The following NCALD variants were observed in gnomAD, a reference collection of about 807,000 sequenced individuals.
The protein encoded by NCALD is neurocalcin-delta.
In NCALD, 10 loss-of-function variants were observed where a neutral mutation model predicts 18.6. The observed-to-expected ratio is 0.54, with a 90% CI of 0.33 to 0.91. NCALD has a LOEUF of 0.91. NCALD is among the 40% of genes least tolerant of loss of function. The pLI is 0.03. For synonymous variants in NCALD, 88 were observed against 87.4 expected (o/e 1.01, Z -0.04); for missense variants, 184 against 247.6 (o/e 0.74, Z 1.72).
At chr8:101,854,367 C>T (rs763449573) in intron 4 of NCALD, among the ~76,000 whole-genome samples, 2 of 152,144 alleles carry the variant, frequency 1.3e-5, no homozygotes, top group African/African-American at 4.8e-5. Context: ...AATTTGGTTA[C>T]TTGCAACCTA....
chr8:101,972,273 T>A (rs1461054075), intron 2 of NCALD, among the ~76,000 whole-genome samples: 2 of 152,188 alleles, frequency 1.3e-5, no homozygotes, highest in African/African-American at 4.8e-5. Flanking sequence ...GCCCAAGCTT[T>A]GTGGTCAGGC....
intron 2 of NCALD, among the ~76,000 whole-genome samples, chr8:101,988,035 G>C (rs1046777287): frequency 6.6e-6 from 1 of 151,200 alleles, no homozygotes; most frequent in Non-Finnish European, 1.5e-5. Context: ...GGCGCCTGTA[G>C]TCCCAGCTAC....
At chr8:102,015,920 T>A (rs1453375143) in intron 2 of NCALD, among the ~76,000 whole-genome samples, 1 of 152,184 alleles carries the variant, frequency 6.6e-6, no homozygotes, top group Non-Finnish European at 1.5e-5. Flanking sequence ...CCCAGGGTTC[T>A]GCAATGAACA....
At chr8:101,986,678 C>T (rs1820825721) in intron 2 of NCALD, 1 of 152,392 alleles carries the variant, frequency 6.6e-6, no homozygotes, top group African/African-American at 2.4e-5. Context: ...TGCACTCCTC[C>T]TCACCCAACT....
intron 1 of NCALD, among the ~76,000 whole-genome samples, chr8:102,101,252 C>A (rs559729470): frequency 4.1e-4 from 62 of 152,268 alleles, no homozygotes; most frequent in African/African-American, 1.5e-3. Flanking sequence ...GAACTGGACC[C>A]AGTATTATAT....
chr8:102,008,548 T>G (rs568089634), intron 2 of NCALD, among the ~76,000 whole-genome samples: 109 of 148,064 alleles, frequency 7.4e-4, no homozygotes, highest in Non-Finnish European at 4.5e-5. Context: ...GAGATAAAAC[T>G]CCCAGGTGAA....
intron 2 of NCALD, among the ~76,000 whole-genome samples, chr8:101,714,075 T>C (rs141711388): frequency 0.026 from 3,919 of 152,226 alleles, 131 homozygotes; most frequent in African/African-American, 0.078. Flanking sequence ...CCTTTGAAAA[T>C]TGGCACAAGA....
In NCALD at chr8:101,817,980, T is replaced by TTC. The variant is rs377236637; in HGVS notation, c.-20+69159_-20+69160dup. ...AAATCTGTACGGTGGACTCTGTAGT[T>TTC]TCGTATTTGCATTCTGAGCACTTGT... On this transcript the variant is annotated intron_variant, in intron 4 of 6. Coordinates refer to the NCALD transcript ENST00000311028. 6.9e-4 allele frequency among the ~76,000 whole-genome samples: 105 copies of TTC among 152,274 alleles called. 2 individuals are homozygous for TTC. Among genetic ancestry groups the TTC allele is most frequent in the African/African-American group, 2.4e-3 (99 of 41,570 alleles).
intron 2 of NCALD, among the ~76,000 whole-genome samples, chr8:101,939,151 A>G (rs1818865254): frequency 6.6e-6 from 1 of 152,232 alleles, no homozygotes; most frequent in African/African-American, 2.4e-5. Flanking sequence ...ATAAATGTCC[A>G]ATAAATTAAT....
In NCALD at chr8:101,878,679, G is replaced by A. The variant is rs559600600; in HGVS notation, c.-20+8462C>T. Among the ~76,000 whole-genome samples the A allele has an allele frequency of 9.0e-4, 137 of 152,176 alleles. 1 individual carries two copies. Among genetic ancestry groups the A allele is most frequent in the African/African-American group, 3.0e-3 (123 of 41,528 alleles). On this transcript the variant is annotated intron_variant, in intron 4 of 6. Transcript: ENST00000311028. ...CCAAGAAGCTAACATTATTTTTTTAGACTTTGTATTAAAGAGCATGTATTT... is the reference window on the plus strand; with the variant it reads ...CCAAGAAGCTAACATTATTTTTTTAAACTTTGTATTAAAGAGCATGTATTT...
chr8:102,028,192 A>G (rs1822529969), intron 1 of NCALD, among the ~76,000 whole-genome samples: 1 of 152,230 alleles, frequency 6.6e-6, no homozygotes, highest in Admixed American at 6.5e-5. Context: ...TCTATATTCA[A>G]GTGGGTCAGG....
intron 1 of NCALD, among the ~76,000 whole-genome samples, chr8:102,119,403 T>C (rs1825880749): frequency 1.3e-5 from 2 of 152,042 alleles, no homozygotes; most frequent in South Asian, 2.1e-4. Context: ...TTGCCAGAGG[T>C]TGGAAGGGAG....
intron 4 of NCALD, among the ~76,000 whole-genome samples, chr8:101,868,282 C>G (rs1815858277): frequency 6.6e-6 from 1 of 151,982 alleles, no homozygotes; most frequent in Non-Finnish European, 1.5e-5. Flanking sequence ...AGCCCTGTGC[C>G]CACACTGAGC....
In NCALD at chr8:102,082,463, C is replaced by A. The variant is rs544166425; in HGVS notation, c.-210+41774G>T. On this transcript the variant is annotated intron_variant, in intron 1 of 6. Transcript: ENST00000311028. ...AAATTGATACAAATGAAAGGAGCTTCTTATTGCAAAATTTCCCAGGATCCT... is the reference window on the plus strand; with the variant it reads ...AAATTGATACAAATGAAAGGAGCTTATTATTGCAAAATTTCCCAGGATCCT... Among the ~76,000 whole-genome samples, 4 of 152,086 alleles carry A rather than the reference C, an allele frequency of 2.6e-5. No individual in the cohort carries two copies. In the South Asian group the frequency reaches 8.3e-4, roughly 32 times the overall value.
chr8:101,786,946 C>A (rs1368168830), intron 1 of NCALD, among the ~76,000 whole-genome samples: 1 of 152,144 alleles, frequency 6.6e-6, no homozygotes, highest in African/African-American at 2.4e-5. Flanking sequence ...CCCTAAAGTT[C>A]ACTACTGAGA....
intron 2 of NCALD, among the ~76,000 whole-genome samples, chr8:101,926,169 C>T (rs370692720): frequency 6.6e-6 from 1 of 152,186 alleles, no homozygotes; most frequent in African/African-American, 2.4e-5. Flanking sequence ...AACAAGAACA[C>T]CAGCAGCAGA....
chr8:101,955,389 T>C (rs1427305894), intron 2 of NCALD, among the ~76,000 whole-genome samples: 1 of 152,156 alleles, frequency 6.6e-6, no homozygotes, highest in African/African-American at 2.4e-5. Flanking sequence ...TCTTGGAGCC[T>C]AGAACAAGGC....
intron 1 of NCALD, among the ~76,000 whole-genome samples, chr8:102,065,674 G>T (rs553036842): frequency 3.3e-5 from 5 of 152,224 alleles, no homozygotes; most frequent in Admixed American, 1.3e-4. Context: ...TCACAGCTAT[G>T]CTGCCTCAAA....
rs1225480476 is a variant in NCALD, at chr8:101,733,028, T to G, written c.-19-13380A>C. ...GAAGCTAACTGCCATGATAAATTCA[T>G]GCAACTCACGGTCCCAGGGGTGTAG... On this transcript the variant is annotated intron_variant, in intron 1 of 3. Transcript: ENST00000220931. Among the ~76,000 whole-genome samples, 8 of 152,130 alleles carry G rather than the reference T, an allele frequency of 5.3e-5. No homozygotes were observed. The East Asian group carries it at 1.5e-3, about 29-fold the overall frequency.
Sources: gnomAD v4.1 joint callset for allele counts (sites outside exome capture counted in the v4.1 genomes callset) on GRCh38, gnomAD v4.1.1 for gene constraint, MANE v1.5 for transcripts, NCBI Gene and HGNC (gene_info 2026-07-23, HGNC 2026-07-21) for gene names.